Variants in PTPRG observed in about 807,000 individuals in gnomAD.
The protein encoded by PTPRG is receptor-type tyrosine-protein phosphatase gamma.
Under a neutral mutation model 165.3 loss-of-function variants are expected in PTPRG, and 102 were observed. That is an observed-to-expected ratio of 0.62 (90% CI 0.53 to 0.73). The LOEUF (loss-of-function observed/expected upper bound fraction) is 0.73, where lower values mean the gene tolerates loss of function less well. Ranked by LOEUF, PTPRG falls within the 30% of genes least tolerant of loss-of-function variation. The pLI is 0.00. For synonymous variants in PTPRG, 675 were observed against 669.5 expected (o/e 1.01, Z -0.13); for missense variants, 1,866 against 1,861.4 (o/e 1.00, Z -0.05).
chr3:61,940,115 T>A (rs2039583170), intron 2 of PTPRG, among the ~76,000 whole-genome samples: 1 of 151,788 alleles, frequency 6.6e-6, no homozygotes, highest in African/African-American at 2.4e-5. Flanking sequence ...CCTGGCTGAT[T>A]TTTGTATTTT....
intron 16 of PTPRG, among the ~76,000 whole-genome samples, chr3:62,256,721 G>C (rs1302513930): frequency 6.6e-6 from 1 of 152,096 alleles, no homozygotes; most frequent in Non-Finnish European, 1.5e-5. Context: ...AATTTGATCA[G>C]GATGATCAAA....
intron 1 of PTPRG, among the ~76,000 whole-genome samples, chr3:61,637,256 T>C (rs1406391036): frequency 6.6e-6 from 1 of 152,240 alleles, no homozygotes; most frequent in East Asian, 1.9e-4. Flanking sequence ...AGTTGTGACA[T>C]CCAGCAGCTC....
At chr3:62,046,344 C>G (rs1239800552) in intron 4 of PTPRG, among the ~76,000 whole-genome samples, 2 of 152,192 alleles carry the variant, frequency 1.3e-5, no homozygotes, top group African/African-American at 4.8e-5. Context: ...AGGATTTCTT[C>G]TGTTTTTCTC....
chr3:62,262,671 G>A (rs1175226426), intron 16 of PTPRG, 127 bp from the exon 17 acceptor site: 11 of 485,266 alleles, frequency 2.3e-5, no homozygotes, highest in East Asian at 1.4e-4. Context: ...AATTATATCC[G>A]AAGTTGGGAT....
chr3:61,656,159 G>C (rs561282813), intron 1 of PTPRG, among the ~76,000 whole-genome samples: 1 of 152,176 alleles, frequency 6.6e-6, no homozygotes, highest in Non-Finnish European at 1.5e-5. Flanking sequence ...TTGAACCCAG[G>C]AGTTTGAAGC....
At chr3:62,160,440 G>A (rs1462271139) in intron 7 of PTPRG, among the ~76,000 whole-genome samples, 1 of 152,222 alleles carries the variant, frequency 6.6e-6, no homozygotes. Context: ...CATGGCTTAT[G>A]TGGCCCCTCT....
chr3:61,733,288 T>C (rs1208338620), intron 1 of PTPRG, among the ~76,000 whole-genome samples: 1 of 152,228 alleles, frequency 6.6e-6, no homozygotes, highest in Non-Finnish European at 1.5e-5. Context: ...TTCTATGTTG[T>C]AGCCCCTCAC....
intron 5 of PTPRG, among the ~76,000 whole-genome samples, chr3:62,086,048 A>G (rs549230789): frequency 1.3e-5 from 2 of 152,318 alleles, no homozygotes; most frequent in South Asian, 4.1e-4. Context: ...TAAAATGATA[A>G]ATATTTCAGT....
At chr3:61,590,776 A>G (rs1700550509) in intron 1 of PTPRG, among the ~76,000 whole-genome samples, 1 of 152,142 alleles carries the variant, frequency 6.6e-6, no homozygotes, top group Admixed American at 6.5e-5. Flanking sequence ...CCCCTAATAC[A>G]TTTAGCATAG....
In PTPRG at chr3:61,847,618, C is replaced by T. The variant is rs553408082; in HGVS notation, c.190+98636C>T. On this transcript the variant is annotated intron_variant, in intron 2 of 29. Transcript: ENST00000474889. ...ACTGCAGAAAATTCTAATAGACCTC[C>T]CTCCTTCGGGGATTCCAGGTTGCTC... 8.9e-4 allele frequency among the ~76,000 whole-genome samples: 135 copies of T among 152,322 alleles called. 1 individual carries two copies. The highest frequency in any genetic ancestry group is 2.9e-3 in the African/African-American group (120 of 41,568).
rs758480466 is a variant in PTPRG, at chr3:62,003,453, G to C, written c.475G>C (p.Ala159Pro). 11 of 1,614,042 alleles carry C rather than the reference G, an allele frequency of 6.8e-6. No individual in the cohort carries two copies. The highest frequency in any genetic ancestry group is 9.3e-6 in the Non-Finnish European group (11 of 1,179,954). Reference sequence around the variant, plus strand: ...TCACTGGGGCCACAGCAATGGCTCAGCGGGCTCTGAACACAGCATCAATGG... The same window carrying C: ...TCACTGGGGCCACAGCAATGGCTCACCGGGCTCTGAACACAGCATCAATGG... Reference protein sequence around the residue: ...EFHWGHSNGSAGSEHSINGRR... With the variant: ...EFHWGHSNGSPGSEHSINGRR... The change falls in exon 4 of 30, where the codon GCG becomes CCG. Residue 159 changes from alanine (A) to proline (P), a missense_variant. This residue lies in a region of PTPRG where 408 missense variants were observed against 376.2 expected (regional missense o/e 1.08). Coordinates refer to ENST00000474889, the MANE Select transcript of PTPRG (RefSeq NM_002841.4).
chr3:62,252,716 ATAAT>A lies in PTPRG; in HGVS notation c.2468-2405_2468-2402del, dbSNP rs372513296. The stretch of plus-strand genomic sequence containing the variant: ...TAGAAAAATTATGAGAATGATTAGA[ATAAT>A]TAGTCATAGCCTTATATTCATCTCA... On this transcript the variant is annotated intron_variant, in intron 15 of 29. Transcript: ENST00000474889. This position sits in a 1 kb window ranked among gnomAD's most constrained non-coding sequence, Gnocchi z 4.6. 3.0e-3 allele frequency among the ~76,000 whole-genome samples: 451 copies of A among 152,352 alleles called. 2 individuals carry two copies. Among genetic ancestry groups the A allele is most frequent in the African/African-American group, 0.01 (426 of 41,582 alleles).
intron 5 of PTPRG, among the ~76,000 whole-genome samples, chr3:62,093,000 T>G (rs952233570): frequency 8.5e-5 from 13 of 152,192 alleles, no homozygotes; most frequent in African/African-American, 3.1e-4. Context: ...AAAACAACTT[T>G]CCTCAATCAT....
chr3:62,294,004 G>C lies in PTPRG; in HGVS notation c.*697G>C, dbSNP rs1702985132. 1 of 152,494 alleles carries C rather than the reference G, an allele frequency of 6.6e-6. No individual in the cohort carries two copies. Among genetic ancestry groups the C allele is most frequent in the Non-Finnish European group, 1.5e-5 (1 of 67,988 alleles). 9.4% of individuals were successfully genotyped at this position (152,494 alleles called of 1,614,324 possible). A position where few individuals can be genotyped will look rare whatever the true frequency, so the allele number is the denominator to read the frequency against. Reference sequence around the variant, plus strand: ...ATGTGTCAAAATAAAGGATAACTCTGTATTACAGCTTTCACAGTAGCTATG... The same window carrying C: ...ATGTGTCAAAATAAAGGATAACTCTCTATTACAGCTTTCACAGTAGCTATG... On this transcript the variant is annotated 3_prime_UTR_variant, in exon 30 of 30. Transcript: ENST00000474889.
intron 2 of PTPRG, among the ~76,000 whole-genome samples, chr3:61,768,030 G>A (rs912044622): frequency 6.7e-6 from 1 of 150,244 alleles, no homozygotes; most frequent in Admixed American, 6.6e-5. Context: ...CTACGGAACA[G>A]AATAGATTTA....
intron 5 of PTPRG, among the ~76,000 whole-genome samples, chr3:62,080,949 G>A (rs1213368050): frequency 2.6e-5 from 4 of 152,110 alleles, no homozygotes; most frequent in African/African-American, 9.7e-5. Flanking sequence ...TTAGAGGTCA[G>A]ATGATAAAAA....
intron 4 of PTPRG, among the ~76,000 whole-genome samples, chr3:62,009,104 GTT>G (rs1188772162): frequency 1.3e-5 from 2 of 152,190 alleles, no homozygotes; most frequent in East Asian, 3.8e-4. Context: ...CACCAAATTA[GTT>G]TTTGTACCAA....
At chr3:62,052,503 G>A (rs9844687) in intron 4 of PTPRG, among the ~76,000 whole-genome samples, 22,078 of 152,098 alleles carry the variant, frequency 0.15, 2,028 homozygotes, top group African/African-American at 0.25. Flanking sequence ...AACCAGCCTG[G>A]GCAAGATAGC....
intron 26 of PTPRG, 25 bp from the exon 27 acceptor site, chr3:62,281,538 C>CTGTTTTTTTTTTTTTTTTTTTTTT (rs1702439785): frequency 8.0e-6 from 5 of 624,462 alleles, no homozygotes; most frequent in Non-Finnish European, 8.3e-6. Flanking sequence ...ACTGCAGAGG[C>CTGTTTTTTTTTTTTTTTTTTTTTT]TTTTTTTTTT....
Sources: gnomAD v4.1 joint callset for allele counts (sites outside exome capture counted in the v4.1 genomes callset) on GRCh38, gnomAD v4.1.1 for gene constraint, gnomAD v4.1.1 regional missense constraint, Gnocchi (gnomAD v3.1) non-coding constraint, MANE v1.5 for transcripts, NCBI Gene and HGNC (gene_info 2026-07-23, HGNC 2026-07-21) for gene names.